GRID2: variants seen among roughly 807,000 people sequenced by gnomAD.
GRID2 encodes glutamate receptor ionotropic, delta-2.
In GRID2, 33 loss-of-function variants were observed where a neutral mutation model predicts 114.8. The ratio of observed to expected loss-of-function variants is 0.29; its 90% CI spans 0.22 to 0.38. GRID2 has a LOEUF of 0.38. GRID2 is among the 10% of genes least tolerant of loss of function. GRID2 has a pLI of 1.00. For synonymous variants in GRID2, 505 were observed against 449.9 expected (o/e 1.12, Z -1.55); for missense variants, 1,184 against 1,257.7 (o/e 0.94, Z 0.89).
intron 2 of GRID2, among the ~76,000 whole-genome samples, chr4:92,998,689 T>C (rs189216471): frequency 1.7e-3 from 257 of 151,968 alleles, no homozygotes; most frequent in Middle Eastern, 0.01. Flanking sequence ...TGTCAGATTT[T>C]TTTTTTTCAA....
intron 14 of GRID2, among the ~76,000 whole-genome samples, chr4:93,730,211 T>G (rs1730355170): frequency 6.6e-6 from 1 of 152,148 alleles, no homozygotes. Flanking sequence ...TAGGAGAGAA[T>G]AAATCTCTTA....
At chr4:92,492,305 C>G (rs1188241927) in intron 1 of GRID2, among the ~76,000 whole-genome samples, 2 of 152,116 alleles carry the variant, frequency 1.3e-5, no homozygotes, top group East Asian at 3.9e-4. Flanking sequence ...AAGATTCTTT[C>G]TTGGTAAAAT....
At chr4:92,364,141 A>G (rs577479291) in intron 1 of GRID2, among the ~76,000 whole-genome samples, 30 of 152,178 alleles carry the variant, frequency 2.0e-4, no homozygotes, top group African/African-American at 6.5e-4. Flanking sequence ...TTATCATCAA[A>G]CTACATTTCT....
chr4:93,684,568 C>CATTGACAGGTGGGCAAGAAGGCATTT (rs1473600903), intron 14 of GRID2, among the ~76,000 whole-genome samples: 1 of 151,984 alleles, frequency 6.6e-6, no homozygotes, highest in African/African-American at 2.4e-5. Flanking sequence ...AAGGCCAGTT[C>CATTGACAGGTGGGCAAGAAGGCATTT]ATTGACAGGT....
At chr4:92,440,970 T>G in intron 1 of GRID2, among the ~76,000 whole-genome samples, 1 of 151,862 alleles carries the variant, frequency 6.6e-6, no homozygotes, top group Non-Finnish European at 1.5e-5. Context: ...TTTTGGAAGT[T>G]ATGAGAACTG....
intron 5 of GRID2, among the ~76,000 whole-genome samples, chr4:93,211,233 A>G (rs1453679041): frequency 6.6e-6 from 1 of 152,074 alleles, no homozygotes; most frequent in Non-Finnish European, 1.5e-5. Flanking sequence ...TTAAGACTCA[A>G]TTTGTACTTT....
chr4:92,997,279 T>G (rs1224196795), intron 2 of GRID2, among the ~76,000 whole-genome samples: 2 of 152,090 alleles, frequency 1.3e-5, no homozygotes, highest in African/African-American at 4.8e-5. Flanking sequence ...CTACTCATAA[T>G]GTGTGAGCTG....
chr4:93,518,417 A>G (rs893290522), intron 13 of GRID2, among the ~76,000 whole-genome samples: 5 of 152,098 alleles, frequency 3.3e-5, no homozygotes, highest in Admixed American at 2.0e-4. Flanking sequence ...GATCTTTTGC[A>G]TAAGTAGAAA....
chr4:92,392,348 G>A (rs1005085684), intron 1 of GRID2, among the ~76,000 whole-genome samples: 4 of 151,906 alleles, frequency 2.6e-5, no homozygotes, highest in African/African-American at 9.7e-5. Flanking sequence ...AGACCATCCT[G>A]GCCATCATGG....
At chr4:92,450,236 A>G (rs985416457) in intron 1 of GRID2, among the ~76,000 whole-genome samples, 1 of 152,068 alleles carries the variant, frequency 6.6e-6, no homozygotes, top group Admixed American at 6.6e-5. Context: ...TGCCTGATGT[A>G]TAATAGGTGC....
chr4:92,386,150 C>G (rs1325462041), intron 1 of GRID2, among the ~76,000 whole-genome samples: 1 of 151,488 alleles, frequency 6.6e-6, no homozygotes, highest in Non-Finnish European at 1.5e-5. Context: ...ATGGTAATGC[C>G]TGCATCTTAT....
chr4:93,578,733 A>G lies in GRID2; in HGVS notation c.2194-47536A>G, dbSNP rs1578303795. 2.0e-5 allele frequency among the ~76,000 whole-genome samples: 3 copies of G among 151,710 alleles called. No individual in the cohort carries two copies. The East Asian group carries it at 5.9e-4, about 30-fold the overall frequency. ...CTCAGCCTCCCAAGTAGCTGGGACT[A>G]CAGGCGTCCGCCACCACGCCCAGCT... On this transcript the variant is annotated intron_variant, in intron 13 of 15. Transcript: ENST00000282020.
At chr4:93,413,729 C>T (rs1256311599) in intron 9 of GRID2, among the ~76,000 whole-genome samples, 2 of 152,056 alleles carry the variant, frequency 1.3e-5, no homozygotes, top group Non-Finnish European at 2.9e-5. Context: ...AAGATTATGA[C>T]TTTAATTATT....
chr4:92,447,731 C>A (rs1733546259), intron 1 of GRID2, among the ~76,000 whole-genome samples: 1 of 152,140 alleles, frequency 6.6e-6, no homozygotes, highest in Admixed American at 6.5e-5. Context: ...ACAGACAGTA[C>A]CTTCTAGCTG....
At chr4:92,334,158 CTT>C in intron 1 of GRID2, among the ~76,000 whole-genome samples, 1 of 152,212 alleles carries the variant, frequency 6.6e-6, no homozygotes, top group Non-Finnish European at 1.5e-5. Flanking sequence ...TTTGCAATAA[CTT>C]GTTCCTCATT....
chr4:93,491,015 AT>A (rs1490918095), intron 12 of GRID2, among the ~76,000 whole-genome samples: 1 of 151,884 alleles, frequency 6.6e-6, no homozygotes, highest in Non-Finnish European at 1.5e-5. Context: ...TGCTTCCCAC[AT>A]TTTCCTGGAA....
chr4:92,750,563 T>G (rs972268127), intron 2 of GRID2, among the ~76,000 whole-genome samples: 1 of 152,208 alleles, frequency 6.6e-6, no homozygotes, highest in African/African-American at 2.4e-5. Context: ...CAAGTATTTG[T>G]GATTCCAGAC....
rs190827743 is a variant in GRID2 at position 92,802,015 on chromosome 4, A to G, written c.244+211729A>G. On this transcript the variant is annotated intron_variant, in intron 2 of 15. Coordinates refer to ENST00000282020, the MANE Select transcript of GRID2 (RefSeq NM_001510.4). ...TTTTTTAAAAAAAACTTCATAATAT[A>G]CTATCGGATGATTTTTAAATTTTAT... Among the ~76,000 whole-genome samples the G allele has an allele frequency of 6.7e-4, 102 of 152,012 alleles. 1 individual carries two copies. The highest frequency in any genetic ancestry group is 2.2e-3 in the African/African-American group (91 of 41,524).
intron 2 of GRID2, among the ~76,000 whole-genome samples, chr4:92,613,587 T>G (rs1465902809): frequency 6.6e-6 from 1 of 151,500 alleles, no homozygotes; most frequent in Non-Finnish European, 1.5e-5. Flanking sequence ...TTACTTGCTT[T>G]GATCTATTCA....
Sources: allele counts gnomAD v4.1 joint callset (sites outside exome capture counted in the v4.1 genomes callset), GRCh38; gene constraint gnomAD v4.1.1; transcripts MANE v1.5; gene names NCBI Gene and HGNC (gene_info 2026-07-23, HGNC 2026-07-21).